Variants in MYO5A observed in about 807,000 individuals in gnomAD.
MYO5A encodes unconventional myosin-Va.
Under a neutral mutation model 249.7 loss-of-function variants are expected in MYO5A, and 98 were observed. The observed-to-expected ratio is 0.39, with a 90% CI of 0.33 to 0.46. MYO5A has a LOEUF of 0.46. Among genes scored for constraint, MYO5A ranks in the 20% least tolerant of loss-of-function variants. The probability of loss-of-function intolerance (pLI) is 0.98; values close to 1 mark genes in which losing one functional copy is unlikely to be tolerated. For missense variants in MYO5A, 1,696 were observed against 2,308.8 expected, an observed-to-expected ratio of 0.73 and a Z score of 5.44; for synonymous variants, 778 against 810.6, an observed-to-expected ratio of 0.96 and a Z score of 0.68.
chr15:52,329,688 C>T (rs904620140), intron 35 of MYO5A, among the ~76,000 whole-genome samples: 4 of 152,238 alleles, frequency 2.6e-5, no homozygotes, highest in Middle Eastern at 3.4e-3. Context: ...GGAACCTAAA[C>T]GGCCTAGAGC....
intron 1 of MYO5A, among the ~76,000 whole-genome samples, chr15:52,488,385 T>A (rs983362302): frequency 6.6e-6 from 1 of 152,244 alleles, no homozygotes; most frequent in African/African-American, 2.4e-5. Flanking sequence ...AATTGGGGTC[T>A]GCATTTCTGA....
At chr15:52,340,645 C>T (rs371575886) in intron 31 of MYO5A, among the ~76,000 whole-genome samples, 1 of 152,098 alleles carries the variant, frequency 6.6e-6, no homozygotes, top group East Asian at 1.9e-4. Context: ...AGTTTTAGTT[C>T]TCTTGAAAGG....
chr15:52,417,845 T>C (rs2043583257), intron 4 of MYO5A, among the ~76,000 whole-genome samples: 2 of 152,208 alleles, frequency 1.3e-5, no homozygotes, highest in South Asian at 2.1e-4. Flanking sequence ...GTGAGTCAAA[T>C]AAACTTCTGC....
At chr15:52,344,161 A>C (rs186587046) in intron 30 of MYO5A, among the ~76,000 whole-genome samples, 8 of 152,150 alleles carry the variant, frequency 5.3e-5, no homozygotes, top group Non-Finnish European at 7.4e-5. Context: ...TCTACTTTAC[A>C]TCTAGAGAGT....
At chr15:52,393,403 T>C (rs945918866) in intron 11 of MYO5A, among the ~76,000 whole-genome samples, 2 of 151,814 alleles carry the variant, frequency 1.3e-5, no homozygotes, top group Non-Finnish European at 2.9e-5. Flanking sequence ...TTCTTTTCTT[T>C]TTTTTTTTGA....
intron 34 of MYO5A, among the ~76,000 whole-genome samples, chr15:52,335,341 C>T (rs1214782583): frequency 2.0e-5 from 3 of 151,884 alleles, no homozygotes; most frequent in African/African-American, 7.3e-5. Context: ...CATGGTGAAA[C>T]CCCGTCTCTA....
chr15:52,329,907 T>A (rs2038797295), intron 35 of MYO5A, among the ~76,000 whole-genome samples: 1 of 5,034 alleles, frequency 2.0e-4, no homozygotes, highest in African/African-American at 7.4e-4. Context: ...CCTGGGTAAT[T>A]TTTTTTTTTT....
chr15:52,496,077 T>TA (rs1400034828), intron 1 of MYO5A, among the ~76,000 whole-genome samples: 32 of 129,742 alleles, frequency 2.5e-4, no homozygotes, highest in East Asian at 4.6e-4. Context: ...GTATAATTTT[T>TA]AAAAAAAAGA....
At chr15:52,325,073 A>G (rs1227835202) in intron 36 of MYO5A, among the ~76,000 whole-genome samples, 1 of 151,880 alleles carries the variant, frequency 6.6e-6, no homozygotes, top group African/African-American at 2.4e-5. Context: ...TTGACTAAAA[A>G]TAACTCTGCC....
At chr15:52,478,367 G>T (rs1439784284) in intron 1 of MYO5A, among the ~76,000 whole-genome samples, 4 of 152,160 alleles carry the variant, frequency 2.6e-5, no homozygotes, top group Non-Finnish European at 4.4e-5. Flanking sequence ...TCCTGGGTGA[G>T]GCGATGCCTC....
intron 1 of MYO5A, chr15:52,435,594 T>C (rs1442548935): frequency 2.2e-6 from 1 of 452,406 alleles, no homozygotes; most frequent in South Asian, 1.6e-5. Flanking sequence ...ACCTCTTTAC[T>C]GACAAATATT....
intron 8 of MYO5A, among the ~76,000 whole-genome samples, 173 bp downstream of exon 8, chr15:52,407,119 C>A (rs1337462297): frequency 1.3e-5 from 2 of 152,174 alleles, no homozygotes; most frequent in African/African-American, 2.4e-5. Flanking sequence ...ACAGTTCCAT[C>A]ATCCCAAAAA....
At chr15:52,471,530 G>A (rs2076468944) in intron 1 of MYO5A, among the ~76,000 whole-genome samples, 1 of 151,248 alleles carries the variant, frequency 6.6e-6, no homozygotes, top group South Asian at 2.1e-4. Context: ...TGAGGTAGGA[G>A]GATCGTTTGA....
chr15:52,462,832 C>T (rs1269499146), intron 1 of MYO5A, among the ~76,000 whole-genome samples: 1 of 148,860 alleles, frequency 6.7e-6, no homozygotes, highest in Non-Finnish European at 1.5e-5. Flanking sequence ...TGGGCGACAG[C>T]GAGAATCCGT....
At chr15:52,390,882 A>C (rs1289500217) in intron 12 of MYO5A, among the ~76,000 whole-genome samples, 1 of 152,090 alleles carries the variant, frequency 6.6e-6, no homozygotes, top group African/African-American at 2.4e-5. Context: ...CTTTGAAGGC[A>C]TGTATGTGAA....
intron 1 of MYO5A, among the ~76,000 whole-genome samples, chr15:52,456,764 C>A (rs1333937185): frequency 6.6e-6 from 1 of 152,114 alleles, no homozygotes; most frequent in East Asian, 1.9e-4. Context: ...ACTGGATAAC[C>A]ATATGCAGAA....
chr15:52,431,103 G>A (rs1310040066), intron 2 of MYO5A, among the ~76,000 whole-genome samples: 1 of 151,302 alleles, frequency 6.6e-6, no homozygotes, highest in East Asian at 1.9e-4. Context: ...ATGGTGGCAT[G>A]CGCCTGTAAT....
chr15:52,431,154 C>G (rs926313437), intron 2 of MYO5A, among the ~76,000 whole-genome samples: 3 of 134,424 alleles, frequency 2.2e-5, no homozygotes, highest in Non-Finnish European at 3.1e-5. Flanking sequence ...ATCATTTGAA[C>G]CCGGGAGGTG....
intron 25 of MYO5A, among the ~76,000 whole-genome samples, chr15:52,355,254 G>A: frequency 6.6e-6 from 1 of 152,038 alleles, no homozygotes; most frequent in South Asian, 2.1e-4. Flanking sequence ...CATATCCTTG[G>A]GTTCTGTATC....
Sources: gnomAD v4.1 joint callset for allele counts (sites outside exome capture counted in the v4.1 genomes callset) on GRCh38, gnomAD v4.1.1 for gene constraint, MANE v1.5 for transcripts, NCBI Gene and HGNC (gene_info 2026-07-23, HGNC 2026-07-21) for gene names.